Variants in TTC28 observed in about 807,000 individuals in gnomAD.
TTC28 encodes tetratricopeptide repeat domain 28.
Under a neutral mutation model 198.0 loss-of-function variants are expected in TTC28, and 61 were observed. The ratio of observed to expected loss-of-function variants is 0.31; its 90% confidence interval spans 0.25 to 0.38. TTC28 has a LOEUF of 0.38. Among genes scored for constraint, TTC28 ranks in the 10% least tolerant of loss-of-function variants. TTC28 has a pLI of 1.00. For synonymous variants in TTC28, 1,171 were observed against 1,297.8 expected, an observed-to-expected ratio of 0.90 and a Z score of 2.10; for missense variants, 2,678 against 3,164.0, an observed-to-expected ratio of 0.85 and a Z score of 3.69.
At chr22:28,463,930 A>T (rs866805741) in intron 2 of TTC28, among the ~76,000 whole-genome samples, 39 of 151,928 alleles carry the variant, frequency 2.6e-4, no homozygotes, top group South Asian at 1.7e-3. Context: ...ATATATATTT[A>T]AAAAAATAAA....
chr22:28,639,374 T>A (rs73432211), intron 1 of TTC28, among the ~76,000 whole-genome samples: 2,588 of 152,302 alleles, frequency 0.017, 73 homozygotes, highest in African/African-American at 0.06. Flanking sequence ...TTACCCCCTC[T>A]CCATTCACCA....
chr22:28,561,559 G>C (rs2049881033), intron 2 of TTC28, among the ~76,000 whole-genome samples: 1 of 152,182 alleles, frequency 6.6e-6, no homozygotes, highest in South Asian at 2.1e-4. Context: ...CATGCAGTAG[G>C]TATTTAATAG....
At chr22:27,985,856 C>T (rs1487532795) in intron 21 of TTC28, 1 of 155,124 alleles carries the variant, frequency 6.4e-6, no homozygotes, top group Non-Finnish European at 1.5e-5. Flanking sequence ...GAAATGATCG[C>T]TGACAATGGG....
intron 5 of TTC28, among the ~76,000 whole-genome samples, chr22:28,170,289 C>T (rs1457826439): frequency 6.6e-6 from 1 of 151,872 alleles, no homozygotes; most frequent in Non-Finnish European, 1.5e-5. Context: ...AGGTCGAGAC[C>T]ATCCTGGCTA....
intron 5 of TTC28, among the ~76,000 whole-genome samples, chr22:28,271,948 C>T (rs541499167): frequency 6.6e-6 from 1 of 152,086 alleles, no homozygotes; most frequent in East Asian, 1.9e-4. Context: ...TGGTTTTCAT[C>T]CTTTCTTGCC....
chr22:28,021,482 G>A (rs1408627226), intron 13 of TTC28, among the ~76,000 whole-genome samples: 1 of 152,144 alleles, frequency 6.6e-6, no homozygotes, highest in Non-Finnish European at 1.5e-5. Flanking sequence ...GAAAGGTGGT[G>A]CTCATTCACC....
intron 5 of TTC28, among the ~76,000 whole-genome samples, chr22:28,267,848 A>G (rs1931784957): frequency 6.6e-6 from 1 of 152,212 alleles, no homozygotes; most frequent in Non-Finnish European, 1.5e-5. Flanking sequence ...AGTCTCTCTA[A>G]AATGATTCAT....
intron 12 of TTC28, among the ~76,000 whole-genome samples, chr22:28,041,659 G>A (rs987154143): frequency 8.5e-5 from 13 of 152,116 alleles, no homozygotes; most frequent in Non-Finnish European, 1.9e-4. Context: ...ATACCATTCA[G>A]GACAGAGGCA....
chr22:28,399,212 C>G (rs1234408412), intron 2 of TTC28, among the ~76,000 whole-genome samples: 2 of 151,876 alleles, frequency 1.3e-5, no homozygotes, highest in African/African-American at 4.8e-5. Context: ...CCATGAACCC[C>G]GCATTATCTC....
rs2045654013 is a variant in TTC28 at position 28,333,746 on chromosome 22, T to C, written c.382-27103A>G. Reference sequence around the variant, plus strand: ...TAAAACCCTATATTTATTAATCACTTACTTTGTTAATTATGGTGAAAAAAG... The same window carrying C: ...TAAAACCCTATATTTATTAATCACTCACTTTGTTAATTATGGTGAAAAAAG... On this transcript the variant is annotated intron_variant, in intron 2 of 22. Coordinates refer to ENST00000397906, the MANE Select transcript of TTC28 (RefSeq NM_001145418.2). 2.0e-5 allele frequency among the ~76,000 whole-genome samples: 3 copies of C among 152,258 alleles called. No homozygotes were observed. The South Asian group carries it at 6.2e-4, about 31-fold the overall frequency.
intron 2 of TTC28, among the ~76,000 whole-genome samples, chr22:28,473,839 T>C (rs1449384522): frequency 6.6e-6 from 1 of 152,124 alleles, no homozygotes; most frequent in Non-Finnish European, 1.5e-5. Context: ...GGCACAGACA[T>C]ACCTGGAGGA....
Position 28,607,452 on chromosome 22 carries a change from C to A in TTC28, c.381+22100G>T, listed in dbSNP as rs1049080786. The stretch of plus-strand genomic sequence containing the variant: ...TGAAAAAATTCCCTCTCCTGATTAT[C>A]ATTCCATCTATACAAAGCTGAAAAA... On this transcript the variant is annotated intron_variant, in intron 2 of 22. Coordinates refer to ENST00000397906, the MANE Select transcript of TTC28 (RefSeq NM_001145418.2). 2.0e-5 allele frequency among the ~76,000 whole-genome samples: 3 copies of A among 152,268 alleles called. No homozygotes were observed. In the South Asian group the frequency reaches 6.2e-4, roughly 32 times the overall value.
chr22:28,535,591 G>T (rs922695891), intron 2 of TTC28, among the ~76,000 whole-genome samples: 12 of 152,048 alleles, frequency 7.9e-5, no homozygotes, highest in Non-Finnish European at 1.3e-4. Context: ...GGGTCATATG[G>T]TTTGGCTCTG....
At chr22:28,606,835 T>C (rs1302758410) in intron 2 of TTC28, among the ~76,000 whole-genome samples, 1 of 152,156 alleles carries the variant, frequency 6.6e-6, no homozygotes, top group Non-Finnish European at 1.5e-5. Flanking sequence ...ATAACAATTG[T>C]TCTGGTAATG....
intron 2 of TTC28, among the ~76,000 whole-genome samples, chr22:28,412,378 A>G (rs1024779875): frequency 2.0e-4 from 31 of 152,268 alleles, no homozygotes; most frequent in Non-Finnish European, 5.9e-5. Flanking sequence ...AGAGGGCAGA[A>G]GTGGGAGAAG....
At chr22:28,591,656 A>G (rs2050437648) in intron 2 of TTC28, among the ~76,000 whole-genome samples, 1 of 152,188 alleles carries the variant, frequency 6.6e-6, no homozygotes, top group Non-Finnish European at 1.5e-5. Context: ...AGTTCCCTCC[A>G]ATGGTTTCAC....
chr22:28,663,260 A>G (rs546587936), intron 1 of TTC28, among the ~76,000 whole-genome samples: 22 of 151,860 alleles, frequency 1.4e-4, no homozygotes, highest in African/African-American at 4.1e-4. Flanking sequence ...AAAAAAAAAA[A>G]AAAGAAAGAA....
chr22:28,016,920 T>G (rs742547), intron 13 of TTC28, among the ~76,000 whole-genome samples: 38,062 of 152,090 alleles, frequency 0.25, 5,189 homozygotes, highest in East Asian at 0.43. Context: ...CTGGGCAGGG[T>G]ACCCCTACTG....
chr22:28,649,620 C>G (rs557202620), intron 1 of TTC28, among the ~76,000 whole-genome samples: 2 of 152,226 alleles, frequency 1.3e-5, no homozygotes, highest in African/African-American at 4.8e-5. Context: ...GATATTCTAG[C>G]CTTTGTATCT....
Sources: gnomAD v4.1 joint callset for allele counts (sites outside exome capture counted in the v4.1 genomes callset) on GRCh38, gnomAD v4.1.1 for gene constraint, MANE v1.5 for transcripts, NCBI Gene and HGNC (gene_info 2026-07-23, HGNC 2026-07-21) for gene names.